Variants in MYO16 observed in about 807,000 individuals in gnomAD.
MYO16 encodes the protein myosin XVI, also known as unconventional myosin-XVI.
In MYO16, 94 loss-of-function variants were observed where a neutral mutation model predicts 205.3. The ratio of observed to expected loss-of-function variants is 0.46; its 90% CI spans 0.39 to 0.54. MYO16 has a LOEUF of 0.54. Among genes scored for constraint, MYO16 ranks in the 20% least tolerant of loss-of-function variants. MYO16 has a pLI of 0.00. For missense variants in MYO16, 2,315 were observed against 2,387.5 expected, an observed-to-expected ratio of 0.97 and a Z score of 0.63; for synonymous variants, 988 against 954.0, an observed-to-expected ratio of 1.04 and a Z score of -0.66.
intron 20 of MYO16, among the ~76,000 whole-genome samples, chr13:108,968,798 G>A (rs899694311): frequency 2.5e-4 from 38 of 152,150 alleles, no homozygotes; most frequent in Admixed American, 2.0e-4. Context: ...CCCTGAAGTG[G>A]CCAGTGCCCT....
In MYO16 at chr13:108,635,700, A is replaced by T. The variant is rs151259761; in HGVS notation, c.28+5828A>T. On this transcript the variant is annotated intron_variant, in intron 1 of 34. Coordinates refer to ENST00000457511, the MANE Select transcript of MYO16 (RefSeq NM_001198950.3). ...TTTTTAGTAGAGATGGGTTTTCACC[A>T]TGTTGGTCAGGCTGGTCTCGAACTT... 6.0e-3 allele frequency among the ~76,000 whole-genome samples: 905 copies of T among 152,056 alleles called. 12 individuals are homozygous for T. The highest frequency in any genetic ancestry group is 0.021 in the African/African-American group (853 of 41,478).
intron 28 of MYO16, among the ~76,000 whole-genome samples, chr13:109,119,926 A>G (rs1875905214): frequency 6.6e-6 from 1 of 152,238 alleles, no homozygotes; most frequent in African/African-American, 2.4e-5. Flanking sequence ...ATAGAAGCAA[A>G]ACAATTTTAT....
intron 16 of MYO16, among the ~76,000 whole-genome samples, chr13:108,919,499 T>C (rs1954893741): frequency 1.1e-5 from 1 of 90,098 alleles, no homozygotes; most frequent in African/African-American, 3.7e-5. Context: ...CGTTAACCGG[T>C]TCTTTGACAT....
At chr13:108,624,870 T>C (rs1879675453), upstream of MYO16, among the ~76,000 whole-genome samples, 1 of 152,060 alleles carries the variant, frequency 6.6e-6, no homozygotes, top group African/African-American at 2.4e-5. Context: ...TATTTGCTAT[T>C]ATATTAATCT....
chr13:108,797,802 A>C (rs919730071), intron 6 of MYO16, among the ~76,000 whole-genome samples: 7 of 152,248 alleles, frequency 4.6e-5, no homozygotes, highest in African/African-American at 1.7e-4. Flanking sequence ...CTTTAAAAAA[A>C]TACTGCTAAG....
In MYO16 at chr13:108,638,456, G is replaced by A. The variant is rs142701360; in HGVS notation, c.28+8584G>A. Among the ~76,000 whole-genome samples the A allele has an allele frequency of 2.1e-3, 324 of 152,098 alleles. 2 individuals carry two copies. Among genetic ancestry groups the A allele is most frequent in the African/African-American group, 7.4e-3 (305 of 41,478 alleles). ...TCAAATACCTTTCCACTCAAATATA[G>A]CATTTCATCTCCCACACTGTTACTG... On this transcript the variant is annotated intron_variant, in intron 1 of 34. Coordinates refer to ENST00000457511, the MANE Select transcript of MYO16 (RefSeq NM_001198950.3).
chr13:108,743,813 A>G (rs1169232659), intron 4 of MYO16, among the ~76,000 whole-genome samples: 5 of 152,244 alleles, frequency 3.3e-5, no homozygotes, highest in African/African-American at 2.4e-5. Context: ...CTTACTTTAC[A>G]TGAAGCGGCT....
At chr13:108,961,425 A>G (rs1470012255) in intron 17 of MYO16, 114 bp from the exon 18 acceptor site, 1 of 801,800 alleles carries the variant, frequency 1.2e-6, no homozygotes. Context: ...CAAACTCCCA[A>G]CCTCATTAAT....
intron 1 of MYO16, among the ~76,000 whole-genome samples, chr13:108,664,924 C>G (rs969147461): frequency 2.6e-5 from 4 of 152,062 alleles, no homozygotes; most frequent in Non-Finnish European, 5.9e-5. Context: ...AAACAAGAAC[C>G]GTAGCAGCCA....
At chr13:109,053,545 G>C (rs1054373232) in intron 25 of MYO16, among the ~76,000 whole-genome samples, 2 of 151,662 alleles carry the variant, frequency 1.3e-5, no homozygotes, top group Non-Finnish European at 1.5e-5. Flanking sequence ...TAAAAATCAA[G>C]AGCAAAAACC....
intron 21 of MYO16, among the ~76,000 whole-genome samples, chr13:109,008,339 C>CTA (rs1467309194): frequency 6.7e-6 from 1 of 149,990 alleles, no homozygotes; most frequent in Non-Finnish European, 1.5e-5. Flanking sequence ...CACTACTGTA[C>CTA]TATCTTGTGT....
At chr13:108,631,278 G>A (rs1338862098) in intron 1 of MYO16, among the ~76,000 whole-genome samples, 1 of 152,162 alleles carries the variant, frequency 6.6e-6, no homozygotes, top group Non-Finnish European at 1.5e-5. Flanking sequence ...CACACCTGGT[G>A]GAGGGCAGCC....
chr13:109,124,412 C>T (rs55804230), intron 29 of MYO16, among the ~76,000 whole-genome samples: 3 of 152,022 alleles, frequency 2.0e-5, no homozygotes, highest in African/African-American at 7.2e-5. Flanking sequence ...ATTGAGATAG[C>T]GGTATATTTT....
At position 109,115,940 on chromosome 13, in the gene MYO16, A is replaced by T. The variant is rs546779075; in HGVS notation, c.3439-4430A>T. On this transcript the variant is annotated intron_variant, in intron 28 of 34. Coordinates refer to ENST00000457511, the MANE Select transcript of MYO16 (RefSeq NM_001198950.3). ...TTCATTGCTTTCAGAAAGACCAAAC[A>T]TTTACTACAAGTATAGCATCTCAAA... Among the ~76,000 whole-genome samples, 51 of 144,968 alleles carry T rather than the reference A, an allele frequency of 3.5e-4. No homozygotes were observed. In the South Asian group the frequency reaches 3.7e-3, roughly 10 times the overall value.
At chr13:108,937,406 C>T (rs1882537033) in intron 16 of MYO16, among the ~76,000 whole-genome samples, 1 of 152,014 alleles carries the variant, frequency 6.6e-6, no homozygotes, top group Non-Finnish European at 1.5e-5. Flanking sequence ...TCTGGATGTC[C>T]ACCTCTCTAG....
intron 6 of MYO16, among the ~76,000 whole-genome samples, chr13:108,794,445 T>C (rs1263384645): frequency 6.6e-6 from 1 of 152,226 alleles, no homozygotes; most frequent in African/African-American, 2.4e-5. Flanking sequence ...AAATAATTTT[T>C]ATGCAGTACT....
chr13:108,754,580 G>T (rs1594267398), intron 4 of MYO16, among the ~76,000 whole-genome samples: 1 of 152,072 alleles, frequency 6.6e-6, no homozygotes, highest in African/African-American at 2.4e-5. Context: ...ATTTAAAAAT[G>T]GTTTCTTGAC....
chr13:108,806,430 G>T (rs1336964074), intron 6 of MYO16, among the ~76,000 whole-genome samples: 2 of 152,118 alleles, frequency 1.3e-5, no homozygotes, highest in Non-Finnish European at 1.5e-5. Flanking sequence ...AGGGGGATGG[G>T]AGTTACATGA....
intron 29 of MYO16, among the ~76,000 whole-genome samples, chr13:109,120,705 A>C (rs1189891104): frequency 6.6e-6 from 1 of 152,198 alleles, no homozygotes; most frequent in Non-Finnish European, 1.5e-5. Flanking sequence ...TTAATTAGAC[A>C]TCCTTTTTCT....
Sources: gnomAD v4.1 joint callset for allele counts (sites outside exome capture counted in the v4.1 genomes callset) on GRCh38, gnomAD v4.1.1 for gene constraint, MANE v1.5 for transcripts, NCBI Gene and HGNC (gene_info 2026-07-23, HGNC 2026-07-21) for gene names.